Variants in PACRG observed in about 807,000 individuals in gnomAD.
PACRG encodes the protein parkin coregulated gene protein.
PACRG carries 29 observed loss-of-function variants against 29.7 expected under a neutral mutation model. The ratio of observed to expected loss-of-function variants is 0.98; its 90% confidence interval spans 0.73 to 1.33. The LOEUF is 1.33. Among genes scored for constraint, PACRG ranks in the 40% most tolerant of loss-of-function variants. The probability of loss-of-function intolerance (pLI) is 0.00; values close to 1 mark genes in which losing one functional copy is unlikely to be tolerated. For synonymous variants in PACRG, 116 were observed against 118.7 expected (o/e 0.98, Z 0.15); for missense variants, 279 against 316.2 (o/e 0.88, Z 0.89).
chr6:163,195,720 C>T (rs1477132875), intron 4 of PACRG, among the ~76,000 whole-genome samples: 2 of 152,194 alleles, frequency 1.3e-5, no homozygotes, highest in Non-Finnish European at 2.9e-5. Context: ...GTTCCCTGCC[C>T]TGCCGGGAAA....
chr6:162,835,758 A>T (rs1017213430), intron 2 of PACRG, among the ~76,000 whole-genome samples: 7 of 152,138 alleles, frequency 4.6e-5, no homozygotes, highest in Non-Finnish European at 8.8e-5. Context: ...TGTTGAGGAA[A>T]TGAAAATTAG....
intron 2 of PACRG, among the ~76,000 whole-genome samples, chr6:162,903,639 C>G (rs1289846497): frequency 6.6e-6 from 1 of 152,202 alleles, no homozygotes; most frequent in Non-Finnish European, 1.5e-5. Context: ...TTATCTCCCA[C>G]TGGGTCCCTC....
chr6:162,989,174 C>A (rs1469451536), intron 2 of PACRG, among the ~76,000 whole-genome samples: 1 of 152,072 alleles, frequency 6.6e-6, no homozygotes. Context: ...TAAGAAAGAC[C>A]TAAGGCAAAA....
intron 4 of PACRG, among the ~76,000 whole-genome samples, chr6:163,212,033 A>G (rs776993309): frequency 1.3e-5 from 2 of 152,198 alleles, no homozygotes; most frequent in Admixed American, 6.5e-5. Context: ...TCAGAATACC[A>G]GAGTGACCAG....
chr6:163,076,804 C>G (rs1158407764), intron 3 of PACRG, among the ~76,000 whole-genome samples: 4 of 152,036 alleles, frequency 2.6e-5, no homozygotes, highest in African/African-American at 9.7e-5. Flanking sequence ...TCTATAAAGC[C>G]TCTTCTGATT....
intron 2 of PACRG, among the ~76,000 whole-genome samples, chr6:162,878,547 C>G (rs1052934778): frequency 6.6e-6 from 1 of 152,094 alleles, no homozygotes; most frequent in African/African-American, 2.4e-5. Context: ...TACTTGGATT[C>G]AAAGAGTGAC....
At chr6:162,762,695 G>A (rs1782473125) in intron 1 of PACRG, among the ~76,000 whole-genome samples, 1 of 152,160 alleles carries the variant, frequency 6.6e-6, no homozygotes, top group Admixed American at 6.5e-5. Flanking sequence ...TATGTGAATA[G>A]GTGGTTATTT....
intron 4 of PACRG, chr6:163,191,472 G>C (rs1046826270): frequency 8.4e-6 from 3 of 355,808 alleles, no homozygotes; most frequent in African/African-American, 4.3e-5. Flanking sequence ...CACCACCCTT[G>C]GGGGAGGTCA....
chr6:162,795,295 T>C (rs555179540), intron 1 of PACRG, among the ~76,000 whole-genome samples: 1 of 152,268 alleles, frequency 6.6e-6, no homozygotes, highest in Admixed American at 6.5e-5. Flanking sequence ...AGGACACTTA[T>C]TCTTTCTTTT....
chr6:162,927,117 G>A (rs767327451), intron 2 of PACRG, among the ~76,000 whole-genome samples: 3 of 152,064 alleles, frequency 2.0e-5, no homozygotes, highest in South Asian at 2.1e-4. Flanking sequence ...CATCTCCACC[G>A]GTCAGGATGG....
At chr6:163,077,867 A>G (rs941407497) in intron 3 of PACRG, among the ~76,000 whole-genome samples, 5 of 152,158 alleles carry the variant, frequency 3.3e-5, no homozygotes, top group African/African-American at 1.2e-4. Context: ...CTCGCCCTGT[A>G]TGAACAGGGG....
chr6:163,082,646 T>G (rs1301995055), intron 3 of PACRG, among the ~76,000 whole-genome samples: 2 of 152,232 alleles, frequency 1.3e-5, no homozygotes, highest in Non-Finnish European at 2.9e-5. Context: ...CTAGTATTTA[T>G]GCAGTTTACA....
chr6:163,258,746 AT>A (rs2128174610), intron 4 of PACRG, among the ~76,000 whole-genome samples: 1 of 138,040 alleles, frequency 7.2e-6, no homozygotes, highest in East Asian at 2.0e-4. Flanking sequence ...GACAGCGAGA[AT>A]CCATCTCAAA....
chr6:163,178,130 G>A (rs1779475290), intron 4 of PACRG, among the ~76,000 whole-genome samples: 1 of 152,168 alleles, frequency 6.6e-6, no homozygotes, highest in African/African-American at 2.4e-5. Flanking sequence ...AAGCCAGTGG[G>A]CCTGTGAGAA....
chr6:162,728,574 G>C (rs1268920339), intron 1 of PACRG, among the ~76,000 whole-genome samples, 183 bp downstream of exon 1: 2 of 152,140 alleles, frequency 1.3e-5, no homozygotes, highest in Non-Finnish European at 2.9e-5. Context: ...TAGGTTGTTA[G>C]AATCTTGGGC....
intron 2 of PACRG, among the ~76,000 whole-genome samples, chr6:162,848,846 T>C (rs1348202956): frequency 6.6e-6 from 1 of 152,260 alleles, no homozygotes; most frequent in East Asian, 1.9e-4. Context: ...GTCTTTGCCT[T>C]CTGAATTTCA....
chr6:163,041,719 AC>A (rs1168810744), intron 2 of PACRG, among the ~76,000 whole-genome samples: 1 of 152,166 alleles, frequency 6.6e-6, no homozygotes, highest in Non-Finnish European at 1.5e-5. Flanking sequence ...GCAACCATAT[AC>A]TCGAGTATTT....
intron 2 of PACRG, among the ~76,000 whole-genome samples, chr6:162,938,933 T>C (rs1008757332): frequency 2.0e-5 from 3 of 152,158 alleles, no homozygotes; most frequent in South Asian, 4.1e-4. Context: ...TTGTGAGGAT[T>C]TTCTCCCACT....
intron 4 of PACRG, among the ~76,000 whole-genome samples, chr6:163,198,618 T>C (rs6915979): frequency 0.064 from 9,715 of 152,210 alleles, 1,007 homozygotes; most frequent in African/African-American, 0.22. Flanking sequence ...TTTTGCTACA[T>C]GTAGAAAGTG....
Sources: gnomAD v4.1 joint callset for allele counts (sites outside exome capture counted in the v4.1 genomes callset) on GRCh38, gnomAD v4.1.1 for gene constraint, MANE v1.5 for transcripts, NCBI Gene and HGNC (gene_info 2026-07-23, HGNC 2026-07-21) for gene names.